The following CCNY variants were observed in gnomAD, a reference collection of about 807,000 sequenced individuals.
CCNY encodes the protein cyclin-Y.
In CCNY, 19 loss-of-function variants were observed where a neutral mutation model predicts 42.8. That is an observed-to-expected ratio of 0.44 (90% CI 0.31 to 0.65). The LOEUF is 0.65. CCNY is among the 30% of genes least tolerant of loss of function. CCNY has a pLI of 0.07. For missense variants in CCNY, 370 were observed against 437.3 expected (o/e 0.85, Z 1.37); for synonymous variants, 165 against 162.7 (o/e 1.01, Z -0.11).
chr10:35,280,334 A>G (rs189466501), intron 3 of CCNY, among the ~76,000 whole-genome samples: 7 of 150,378 alleles, frequency 4.7e-5, no homozygotes, highest in African/African-American at 1.5e-4. Flanking sequence ...GGAAAGAAAG[A>G]AAGGAAGAAA....
At chr10:35,285,899 G>A (rs1210618426) in intron 3 of CCNY, among the ~76,000 whole-genome samples, 1 of 152,054 alleles carries the variant, frequency 6.6e-6, no homozygotes, top group African/African-American at 2.4e-5. Context: ...TGCAACCTCT[G>A]CCTCCCGGTT....
chr10:35,300,259 C>A (rs1835517897), intron 3 of CCNY, among the ~76,000 whole-genome samples: 2 of 152,204 alleles, frequency 1.3e-5, no homozygotes, highest in South Asian at 4.1e-4. Context: ...CTCCCTCATC[C>A]CTACTTCTGC....
intron 3 of CCNY, among the ~76,000 whole-genome samples, chr10:35,329,002 G>A (rs1835910478): frequency 6.6e-6 from 1 of 152,158 alleles, no homozygotes; most frequent in Admixed American, 6.5e-5. Flanking sequence ...ATCTTGATAA[G>A]TATGTATAAA....
intron 1 of CCNY, among the ~76,000 whole-genome samples, chr10:35,424,962 G>A (rs1044600919): frequency 1.1e-4 from 17 of 152,184 alleles, no homozygotes; most frequent in African/African-American, 2.9e-4. Flanking sequence ...CAGAATCATG[G>A]TTTCTGCCTC....
At chr10:35,438,637 T>G (rs543979217) in intron 1 of CCNY, among the ~76,000 whole-genome samples, 1 of 152,354 alleles carries the variant, frequency 6.6e-6, no homozygotes, top group East Asian at 1.9e-4. Context: ...ATGTTTCTCC[T>G]GTATACATTT....
chr10:35,314,561 A>C (rs1483228147), intron 3 of CCNY: 1 of 152,198 alleles, frequency 6.6e-6, no homozygotes, highest in Non-Finnish European at 1.5e-5. Flanking sequence ...TAATTTATTA[A>C]AATTTTTTTA....
chr10:35,324,552 A>G (rs1835857712), intron 3 of CCNY, among the ~76,000 whole-genome samples: 1 of 152,208 alleles, frequency 6.6e-6, no homozygotes, highest in Non-Finnish European at 1.5e-5. Flanking sequence ...TGAAGATCTC[A>G]TTGAAAAGAG....
chr10:35,347,987 A>G (rs549659900), intron 1 of CCNY, among the ~76,000 whole-genome samples: 5 of 152,302 alleles, frequency 3.3e-5, no homozygotes, highest in Non-Finnish European at 7.3e-5. Flanking sequence ...AGACGCACAT[A>G]TTTATCAAGG....
At position 35,537,992 on chromosome 10, in the gene CCNY, C is replaced by T. The variant is rs12247356; in HGVS notation, c.579+7749C>T. On this transcript the variant is annotated intron_variant, in intron 7 of 9. Transcript: ENST00000374704. Reference sequence around the variant, plus strand: ...ATAATTCCCCTTGTTGTGGGAGGGACCTGGTGGGAGATAATTGAATCATGG... The same window carrying T: ...ATAATTCCCCTTGTTGTGGGAGGGATCTGGTGGGAGATAATTGAATCATGG... Among the ~76,000 whole-genome samples, 1,321 of 152,092 alleles carry T rather than the reference C, an allele frequency of 8.7e-3. 25 individuals carry two copies. The highest frequency in any genetic ancestry group is 0.03 in the African/African-American group (1,256 of 41,454).
chr10:35,546,105 A>G (rs1841110042), intron 7 of CCNY, among the ~76,000 whole-genome samples: 1 of 152,212 alleles, frequency 6.6e-6, no homozygotes, highest in South Asian at 2.1e-4. Context: ...CTTCACCCGT[A>G]TGATTTCAAC....
At chr10:35,400,963 G>T (rs1028705040) in intron 1 of CCNY, among the ~76,000 whole-genome samples, 6 of 152,204 alleles carry the variant, frequency 3.9e-5, no homozygotes, top group Admixed American at 2.0e-4. Flanking sequence ...GAAGGTGGTA[G>T]AGAAGAGAAG....
chr10:35,324,210 G>GA (rs1433907164), intron 3 of CCNY, among the ~76,000 whole-genome samples: 2 of 152,142 alleles, frequency 1.3e-5, no homozygotes, highest in African/African-American at 4.8e-5. Flanking sequence ...GAAAGGCAAT[G>GA]AGAGCTTTAC....
intron 2 of CCNY, among the ~76,000 whole-genome samples, chr10:35,494,824 A>T (rs1453009254): frequency 2.6e-5 from 4 of 152,244 alleles, no homozygotes; most frequent in African/African-American, 9.6e-5. Context: ...AGTACACATC[A>T]TGCTTGCTTT....
chr10:35,502,972 G>A (rs1840140727), intron 3 of CCNY, among the ~76,000 whole-genome samples: 1 of 152,194 alleles, frequency 6.6e-6, no homozygotes, highest in Non-Finnish European at 1.5e-5. Flanking sequence ...CATGGAAGGT[G>A]CATTGAAGAA....
At chr10:35,462,183 T>C (rs1352646198) in intron 1 of CCNY, among the ~76,000 whole-genome samples, 2 of 152,250 alleles carry the variant, frequency 1.3e-5, no homozygotes, top group African/African-American at 4.8e-5. Flanking sequence ...AATTGATGTT[T>C]TTCACTAAAG....
chr10:35,328,324 C>A, intron 3 of CCNY, among the ~76,000 whole-genome samples: 1 of 152,116 alleles, frequency 6.6e-6, no homozygotes, highest in East Asian at 1.9e-4. Flanking sequence ...CAGAAGACCC[C>A]AAATCCTGGG....
intron 3 of CCNY, among the ~76,000 whole-genome samples, chr10:35,285,807 T>C (rs929060346): frequency 1.6e-5 from 1 of 62,652 alleles, no homozygotes; most frequent in African/African-American, 6.2e-5. Flanking sequence ...TGGATTTAGG[T>C]GTTTTTGTTT....
At chr10:35,520,914 G>T (rs903181350) in intron 4 of CCNY, among the ~76,000 whole-genome samples, 5 of 152,288 alleles carry the variant, frequency 3.3e-5, no homozygotes, top group Non-Finnish European at 7.3e-5. Flanking sequence ...AGAGCGGAGG[G>T]TGGTGGGGAG....
chr10:35,347,350 C>G, intron 1 of CCNY: 2 of 606,848 alleles, frequency 3.3e-6, no homozygotes, highest in South Asian at 1.5e-4. Flanking sequence ...GCTTTGTGAG[C>G]TTTGCAGAAA....
Sources: gnomAD v4.1 joint callset for allele counts (sites outside exome capture counted in the v4.1 genomes callset) on GRCh38, gnomAD v4.1.1 for gene constraint, MANE v1.5 for transcripts, NCBI Gene and HGNC (gene_info 2026-07-23, HGNC 2026-07-21) for gene names.